Variants in SRCAP observed in about 807,000 individuals in gnomAD.
The protein encoded by SRCAP is Snf2 related CREBBP activator protein.
In SRCAP, 46 loss-of-function variants were observed where a neutral mutation model predicts 263.1. That is an observed-to-expected ratio of 0.17 (90% CI 0.14 to 0.22). SRCAP has a LOEUF of 0.22. Among genes scored for constraint, SRCAP ranks in the 10% least tolerant of loss-of-function variants. The probability of loss-of-function intolerance (pLI) is 1.00; values close to 1 mark genes in which losing one functional copy is unlikely to be tolerated. For synonymous variants in SRCAP, 1,813 were observed against 1,662.1 expected (o/e 1.09, Z -2.21); for missense variants, 3,695 against 4,181.9 (o/e 0.88, Z 3.21).
chr16:30,703,204 C>T (rs924911283), intron 3 of SRCAP, among the ~76,000 whole-genome samples: 10 of 148,688 alleles, frequency 6.7e-5, no homozygotes, highest in Non-Finnish European at 1.0e-4. Context: ...TTTTCCTTTC[C>T]GAGACAGAGT....
Position 30,723,798 on chromosome 16 carries a change from C to T in SRCAP, c.4374C>T (p.Pro1458=), listed in dbSNP as rs1336166906. The change falls in exon 25 of 34, where the codon CCC becomes CCT. Residue 1458 remains proline (P), a synonymous_variant. Coordinates refer to ENST00000262518, the MANE Select transcript of SRCAP (RefSeq NM_006662.3). The stretch of plus-strand genomic sequence containing the variant: ...CAGCCTCGGCTCCACTCACCATCCC[C>T]ATCTCAGCCCCCTTGACTGTTTCTG... ...PAPASAPLTI[P]ISAPLTVSAS... is the part of the protein sequence containing the mutation. The T allele has an allele frequency of 1.2e-6, 2 of 1,614,032 alleles. No homozygotes were observed. Among genetic ancestry groups the T allele is most frequent in the Non-Finnish European group, 8.5e-7 (1 of 1,180,034 alleles).
Position 30,723,805 on chromosome 16 carries a change from G to C in SRCAP, c.4381G>C (p.Ala1461Pro). ...GGCTCCACTCACCATCCCCATCTCAGCCCCCTTGACTGTTTCTGCTTCGGG... is the reference window on the plus strand; with the variant it reads ...GGCTCCACTCACCATCCCCATCTCACCCCCCTTGACTGTTTCTGCTTCGGG... ...ASAPLTIPIS[A>P]PLTVSASGPA... Residue 1461 changes from alanine (A) to proline (P), a missense_variant, in exon 25 of 34, where the codon GCC becomes CCC. Ala to Pro is a conservative substitution (Grantham distance 27). Transcript: ENST00000262518. The C allele has an allele frequency of 6.2e-7, 1 of 1,613,602 alleles. No homozygotes were observed. Among genetic ancestry groups the C allele is most frequent in the Non-Finnish European group, 8.5e-7 (1 of 1,179,906 alleles).
At position 30,729,653 on chromosome 16, in the gene SRCAP, AC is replaced by A. The variant is rs2053095018; in HGVS notation, c.6127+82del. 3 of 1,524,136 alleles carry A rather than the reference AC, an allele frequency of 2.0e-6. No homozygotes were observed. In the South Asian group the frequency reaches 3.5e-5, roughly 18 times the overall value. 94.4% of individuals were successfully genotyped at this position (1,524,136 alleles called of 1,614,324 possible). A position where few individuals can be genotyped will look rare whatever the true frequency, so the allele number is the denominator to read the frequency against. On this transcript the variant is annotated intron_variant, in intron 27 of 33. Coordinates refer to ENST00000262518, the MANE Select transcript of SRCAP (RefSeq NM_006662.3). ...GACTGTTGTATCAGAGGGATGCTGC[AC>A]TTAAGTTCTCTTGCGATTTCTGTAA...
Position 30,734,555 on chromosome 16 carries a change from C to G in SRCAP, c.6669C>G (p.Pro2223=). ...PLEEPSSSSV[P]SAPEEEEETV... Reference sequence around the variant, plus strand: ...AGGAACCTTCTAGCTCATCCGTGCCCTCTGCCCCTGAAGAGGAGGAAGAGA... The same window carrying G: ...AGGAACCTTCTAGCTCATCCGTGCCGTCTGCCCCTGAAGAGGAGGAAGAGA... Residue 2223 remains proline, a synonymous_variant, in exon 31 of 34, where the codon CCC becomes CCG. Coordinates refer to ENST00000262518, the MANE Select transcript of SRCAP (RefSeq NM_006662.3). 1 of 1,613,958 alleles carries G rather than the reference C, an allele frequency of 6.2e-7. No homozygotes were observed. Among genetic ancestry groups the G allele is most frequent in the Non-Finnish European group, 8.5e-7 (1 of 1,180,006 alleles).
In SRCAP at chr16:30,724,857, C is replaced by T. The variant is rs138278274; in HGVS notation, c.5433C>T (p.Ala1811=). The T allele has an allele frequency of 1.4e-5, 22 of 1,614,072 alleles. No individual in the cohort carries two copies. The East Asian group carries it at 2.0e-4, about 15-fold the overall frequency. Residue 1811 remains alanine, a synonymous_variant, in exon 25 of 34, where the codon GCC becomes GCT. Transcript: ENST00000262518. ...AAAQTLALAP[A]STQSPASQAS... ...CTCAGACCTTGGCGCTGGCCCCAGC[C>T]TCCACACAGTCCCCAGCTTCCCAGG...
At chr16:30,709,440 C>G in intron 6 of SRCAP, 73 bp from the exon 7 acceptor site, 2 of 1,531,262 alleles carry the variant, frequency 1.3e-6, no homozygotes, top group African/African-American at 1.4e-5. Context: ...AAGAAGGTCT[C>G]CCTAAACATC....
In SRCAP at chr16:30,734,014, A is replaced by G; in HGVS notation, c.6609+6A>G. The G allele has an allele frequency of 6.3e-7, 1 of 1,597,340 alleles. No individual in the cohort carries two copies. Among genetic ancestry groups the G allele is most frequent in the Non-Finnish European group, 8.5e-7 (1 of 1,171,280 alleles). ...CCACAGCCTATTTCAAACAGGTACT[A>G]AGTAAGATCTTTTAGCCTATGCAGG... On this transcript the variant is annotated splice_donor_region_variant and intron_variant, in intron 30 of 33. Coordinates refer to ENST00000262518, the MANE Select transcript of SRCAP (RefSeq NM_006662.3).
At position 30,724,535 on chromosome 16, in the gene SRCAP, C is replaced by T. The variant is rs749617098; in HGVS notation, c.5111C>T (p.Thr1704Met). The T allele has an allele frequency of 2.7e-5, 43 of 1,614,056 alleles. No homozygotes were observed. Among genetic ancestry groups the T allele is most frequent in the Middle Eastern group, 1.6e-4 (1 of 6,084 alleles). ...CCATCTCAGACACTCTCTTTGGGAA[C>T]GGGGAACCCCCAGGGACCCTTTCCA... is the stretch of plus-strand genomic sequence containing the variant. ...SSPSQTLSLGTGNPQGPFPTQ... is the reference protein window; with the variant it reads ...SSPSQTLSLGMGNPQGPFPTQ... The change falls in exon 25 of 34, where the codon ACG (threonine) becomes ATG (methionine). Residue 1704 changes from threonine to methionine, a missense_variant. Thr to Met is a moderately conservative substitution (Grantham distance 81, BLOSUM62 -1). Transcript: ENST00000262518.
rs943623660 is a variant in SRCAP, at chr16:30,737,685, C to T, written c.7645C>T (p.Pro2549Ser). ...SVTNLPLGLR[P>S]EAELCAQALA... ...CACTAATCTCCCCTTGGGCTTGAGG[C>T]CTGAGGCAGAGCTGTGTGCCCAGGC... is the stretch of plus-strand genomic sequence containing the variant. Residue 2549 changes from proline to serine, a missense_variant, in exon 34 of 34, where the codon CCT becomes TCT. This residue lies in a region of SRCAP where 1,207 missense variants were observed against 1,142.9 expected (regional missense o/e 1.06). Transcript: ENST00000262518. 7 of 1,614,036 alleles carry T rather than the reference C, an allele frequency of 4.3e-6. No individual in the cohort carries two copies. In the Admixed American group the frequency reaches 5.0e-5, roughly 12 times the overall value.
Position 30,723,043 on chromosome 16 carries a change from C to T in SRCAP, c.3973C>T (p.Pro1325Ser). Residue 1325 changes from proline (P) to serine (S), a missense_variant, in exon 24 of 34, where the codon CCT becomes TCT. Coordinates refer to ENST00000262518, the MANE Select transcript of SRCAP (RefSeq NM_006662.3). ...CCCTCGGGATGGACTGACTCCTGTT[C>T]CTCCATTGGCCCCAGCACCCCGGCC... is the stretch of plus-strand genomic sequence containing the variant. ...QAPRDGLTPV[P>S]PLAPAPRPPS... The T allele has an allele frequency of 1.2e-6, 2 of 1,614,152 alleles. No homozygotes were observed. Among genetic ancestry groups the T allele is most frequent in the South Asian group, 1.1e-5 (1 of 91,060 alleles).
chr16:30,720,111 A>G, intron 18 of SRCAP, 51 bp from the exon 19 acceptor site: 1 of 1,571,782 alleles, frequency 6.4e-7, no homozygotes, highest in Non-Finnish European at 8.7e-7. Context: ...CTGCGTTGCA[A>G]AGGATGTGAT....
Position 30,704,200 on chromosome 16 carries a change from C to T in SRCAP, c.191C>T (p.Pro64Leu). Residue 64 changes from proline (P) to leucine (L), a missense_variant, in exon 4 of 34, where the codon CCA becomes CTA. Transcript: ENST00000262518. Reference protein sequence around the residue: ...DSSLDGPPGPPDGATVPLEGF... With the variant: ...DSSLDGPPGPLDGATVPLEGF... ...TCACTGGATGGACCTCCAGGCCCCC[C>T]AGATGGTGCCACAGTGCCCCTGGAG... The T allele has an allele frequency of 6.2e-7, 1 of 1,614,220 alleles. No homozygotes were observed. The highest frequency in any genetic ancestry group is 8.5e-7 in the Non-Finnish European group (1 of 1,180,042).
chr16:30,724,086 T>C lies in SRCAP; in HGVS notation c.4662T>C (p.Ala1554=). 6.2e-7 allele frequency: 1 copy of C among 1,613,666 alleles called. No homozygotes were observed. Among genetic ancestry groups the C allele is most frequent in the Admixed American group, 1.7e-5 (1 of 60,020 alleles). Residue 1554 remains alanine, a synonymous_variant, in exon 25 of 34, where the codon GCT becomes GCC. Transcript: ENST00000262518. ...CACCTGTCCTGGTGCCAGCTTCGGC[T>C]CTGGCCAGTCCTTTTCCGTCAGCAC... ...ACSPVLVPAS[A]LASPFPSAPN... is the part of the protein sequence containing the mutation.
Position 30,723,680 on chromosome 16 carries a change from A to G in SRCAP, c.4256A>G (p.Asn1419Ser), listed in dbSNP as rs1313456454. ...GPASSPMPIP[N>S]SSPLASPVSS... ...GCCTCTTCTCCAATGCCAATTCCCA[A>G]CTCCTCTCCCCTTGCTAGTCCTGTG... The change falls in exon 25 of 34, where the codon AAC becomes AGC. Residue 1419 changes from asparagine (N) to serine (S), a missense_variant. Physicochemically the swap from Asn to Ser is conservative, Grantham distance 46. Around this residue, in one of 12 missense-constraint regions of SRCAP, gnomAD observed 1,347 missense variants for 1,304.4 expected, o/e 1.03. Coordinates refer to ENST00000262518, the MANE Select transcript of SRCAP (RefSeq NM_006662.3). 10 of 1,611,816 alleles carry G rather than the reference A, an allele frequency of 6.2e-6. No homozygotes were observed. Among genetic ancestry groups the G allele is most frequent in the Admixed American group, 1.7e-5 (1 of 59,778 alleles).
intron 3 of SRCAP, among the ~76,000 whole-genome samples, chr16:30,702,618 T>TC (rs2052780882): frequency 9.7e-6 from 1 of 102,724 alleles, no homozygotes; most frequent in Admixed American, 1.3e-4. Flanking sequence ...CCTCCCTCCC[T>TC]CCTTCCTTCC....
At chr16:30,736,738 T>G in intron 33 of SRCAP, 114 bp downstream of exon 33, 3 of 1,146,350 alleles carry the variant, frequency 2.6e-6, no homozygotes, top group Non-Finnish European at 3.8e-6. Flanking sequence ...AGTGGCACAA[T>G]CTCGGGTCAC....
chr16:30,704,344 C>T (rs181109795), intron 4 of SRCAP, 29 bp downstream of exon 4: 9 of 1,550,886 alleles, frequency 5.8e-6, no homozygotes, highest in East Asian at 2.3e-5. Context: ...TATGAAGATT[C>T]TTGGGAGTTA....
At chr16:30,732,798 GA>G (rs1288540460) in intron 27 of SRCAP, among the ~76,000 whole-genome samples, 1 of 152,216 alleles carries the variant, frequency 6.6e-6, no homozygotes, top group Non-Finnish European at 1.5e-5. Context: ...CCGAAGAGGT[GA>G]AGCCCTTAAA....
intron 4 of SRCAP, among the ~76,000 whole-genome samples, chr16:30,706,791 T>A (rs1341001790): frequency 2.0e-5 from 3 of 152,178 alleles, no homozygotes; most frequent in Non-Finnish European, 4.4e-5. Context: ...GGGAAGTATG[T>A]GTTCCCTACT....
Sources: gnomAD v4.1 joint callset for allele counts (sites outside exome capture counted in the v4.1 genomes callset) on GRCh38, gnomAD v4.1.1 for gene constraint, gnomAD v4.1.1 regional missense constraint, MANE v1.5 for transcripts, NCBI Gene and HGNC (gene_info 2026-07-23, HGNC 2026-07-21) for gene names.